Variants in DAB1 observed in about 807,000 individuals in gnomAD.
DAB1 encodes disabled homolog 1.
In DAB1, 15 loss-of-function variants were observed where a neutral mutation model predicts 64.6. The observed-to-expected ratio is 0.23, with a 90% CI of 0.16 to 0.36. The LOEUF (loss-of-function observed/expected upper bound fraction) is 0.36, where lower values mean the gene tolerates loss of function less well. Ranked by LOEUF, DAB1 falls within the 10% of genes least tolerant of loss-of-function variation. DAB1 has a pLI of 1.00. For synonymous variants in DAB1, 235 were observed against 251.9 expected (o/e 0.93, Z 0.64); for missense variants, 596 against 706.7 (o/e 0.84, Z 1.78).
At position 58,118,104 on chromosome 1, in the gene DAB1, T is replaced by C. The variant is rs1652459033; in HGVS notation, n.387+32407A>G. Among the ~76,000 whole-genome samples, 4 of 151,826 alleles carry C rather than the reference T, an allele frequency of 2.6e-5. No homozygotes were observed. The South Asian group carries it at 8.3e-4, about 32-fold the overall frequency. ...TTTTTAATGTTTTGTAGAGACAATG[T>C]CTCCTTACATTGCCCAGGCTGGTCT... On this transcript the variant is annotated intron_variant and non_coding_transcript_variant, in intron 5 of 20. Transcript: ENST00000485760.
At chr1:57,154,200 C>T (rs1208307400) in intron 2 of DAB1, among the ~76,000 whole-genome samples, 2 of 152,122 alleles carry the variant, frequency 1.3e-5, no homozygotes, top group Non-Finnish European at 2.9e-5. Flanking sequence ...ACTACCCTTC[C>T]CAGCCTCTAG....
At chr1:57,800,677 G>T (rs573291687) in intron 6 of DAB1, among the ~76,000 whole-genome samples, 1 of 152,124 alleles carries the variant, frequency 6.6e-6, no homozygotes, top group Non-Finnish European at 1.5e-5. Flanking sequence ...ACATCACATC[G>T]CATGATTACT....
chr1:57,537,383 A>T (rs1313346309), intron 7 of DAB1, among the ~76,000 whole-genome samples: 1 of 152,116 alleles, frequency 6.6e-6, no homozygotes, highest in Admixed American at 6.5e-5. Flanking sequence ...AGGTTATCCA[A>T]CGGCTATGAT....
intron 7 of DAB1, among the ~76,000 whole-genome samples, chr1:57,519,327 T>G (rs1297656008): frequency 6.6e-6 from 1 of 152,196 alleles, no homozygotes; most frequent in Non-Finnish European, 1.5e-5. Flanking sequence ...GCCGGTGCCC[T>G]GACCCAGACA....
intron 1 of DAB1, among the ~76,000 whole-genome samples, chr1:57,342,403 T>G (rs1677664485): frequency 6.6e-6 from 1 of 152,242 alleles, no homozygotes; most frequent in Admixed American, 6.5e-5. Flanking sequence ...TCATATTTTG[T>G]TATTTCTTTA....
At chr1:58,325,458 T>G (rs1220227774) in intron 4 of DAB1, among the ~76,000 whole-genome samples, 2 of 152,210 alleles carry the variant, frequency 1.3e-5, no homozygotes. Context: ...TCCATAGGCT[T>G]ATTGAAATTA....
At chr1:57,942,125 C>T (rs1050094922) in intron 5 of DAB1, among the ~76,000 whole-genome samples, 2 of 152,162 alleles carry the variant, frequency 1.3e-5, no homozygotes, top group African/African-American at 2.4e-5. Context: ...GGGCCAGCTT[C>T]GATCTAAGTG....
chr1:58,515,234 G>A (rs532435205), intron 2 of DAB1, among the ~76,000 whole-genome samples: 1 of 152,202 alleles, frequency 6.6e-6, no homozygotes, highest in South Asian at 2.1e-4. Context: ...ATAATCTTGA[G>A]ATAATTTCAG....
chr1:57,217,905 C>T lies in DAB1; in HGVS notation c.68-72476G>A, dbSNP rs182197781. Reference sequence around the variant, plus strand: ...ACTCAAGCTGCAGGGGCGTAATCACCGTTCATTCATTTTCATTCATCCAAA... The same window carrying T: ...ACTCAAGCTGCAGGGGCGTAATCACTGTTCATTCATTTTCATTCATCCAAA... On this transcript the variant is annotated intron_variant, in intron 2 of 14. Coordinates refer to ENST00000371236, the MANE Select transcript of DAB1 (RefSeq NM_001365792.1). 4.1e-4 allele frequency among the ~76,000 whole-genome samples: 63 copies of T among 152,200 alleles called. 1 individual carries two copies. In the East Asian group the frequency reaches 0.011, roughly 27 times the overall value.
intron 2 of DAB1, among the ~76,000 whole-genome samples, chr1:57,284,296 T>C (rs1338979301): frequency 2.0e-5 from 3 of 152,330 alleles, no homozygotes; most frequent in Non-Finnish European, 4.4e-5. Context: ...CTCACAGTTC[T>C]TTAACTACAG....
intron 7 of DAB1, among the ~76,000 whole-genome samples, chr1:57,486,672 T>C (rs1057476430): frequency 6.6e-6 from 1 of 152,044 alleles, no homozygotes; most frequent in African/African-American, 2.4e-5. Flanking sequence ...CCCGACTCTA[T>C]CCTATTAAAT....
chr1:58,226,571 A>G (rs1475209294), intron 4 of DAB1, among the ~76,000 whole-genome samples: 1 of 152,198 alleles, frequency 6.6e-6, no homozygotes, highest in Non-Finnish European at 1.5e-5. Flanking sequence ...CTCTCATCAG[A>G]GCAGCTGGAA....
At chr1:57,075,901 T>C (rs1304294884) in intron 4 of DAB1, among the ~76,000 whole-genome samples, 1 of 152,202 alleles carries the variant, frequency 6.6e-6, no homozygotes, top group South Asian at 2.1e-4. Flanking sequence ...CTTGATAAGC[T>C]GGGATGAGGA....
At chr1:57,221,168 G>T (rs901395478) in intron 2 of DAB1, among the ~76,000 whole-genome samples, 1 of 149,142 alleles carries the variant, frequency 6.7e-6, no homozygotes, top group African/African-American at 2.5e-5. Flanking sequence ...AACACCACCT[G>T]TTCTCACTCA....
At chr1:58,223,381 G>A (rs1032313333) in intron 4 of DAB1, among the ~76,000 whole-genome samples, 4 of 152,122 alleles carry the variant, frequency 2.6e-5, no homozygotes, top group East Asian at 1.9e-4. Context: ...ATGAAAGAAC[G>A]CCAGCCTTGT....
chr1:57,431,143 C>CACAAAAAAAAAAAAAAAAAAAAA (rs749097562), intron 7 of DAB1, among the ~76,000 whole-genome samples: 12 of 96,332 alleles, frequency 1.2e-4, no homozygotes, highest in African/African-American at 1.8e-4. Context: ...AGGCCAAAAA[C>CACAAAAAAAAAAAAAAAAAAAAA]AAAAAAAAAA....
chr1:57,196,688 G>A (rs480836), intron 2 of DAB1, among the ~76,000 whole-genome samples: 54,683 of 152,108 alleles, frequency 0.36, 10,095 homozygotes, highest in Middle Eastern at 0.41. Context: ...AGTTGCCACA[G>A]CAAAGTCAAT....
chr1:58,214,076 GA>G (rs1334338958), intron 4 of DAB1, among the ~76,000 whole-genome samples: 1 of 152,044 alleles, frequency 6.6e-6, no homozygotes, highest in Non-Finnish European at 1.5e-5. Flanking sequence ...AGTTACACGG[GA>G]AAAAAGATCT....
intron 4 of DAB1, among the ~76,000 whole-genome samples, chr1:58,195,014 G>A (rs554931414): frequency 6.6e-6 from 1 of 152,116 alleles, no homozygotes; most frequent in African/African-American, 2.4e-5. Flanking sequence ...AAGACATCAG[G>A]AAGAATACAA....
Sources: gnomAD v4.1 joint callset for allele counts (sites outside exome capture counted in the v4.1 genomes callset) on GRCh38, gnomAD v4.1.1 for gene constraint, MANE v1.5 for transcripts, NCBI Gene and HGNC (gene_info 2026-07-23, HGNC 2026-07-21) for gene names.